Variants in GRID2 observed in about 807,000 individuals in gnomAD.
GRID2 encodes glutamate receptor ionotropic, delta-2.
A neutral mutation model predicts 114.8 loss-of-function variants in GRID2; 33 were observed. That is an observed-to-expected ratio of 0.29 (90% CI 0.22 to 0.38). GRID2 has a LOEUF of 0.38. GRID2 is among the 10% of genes least tolerant of loss of function. GRID2 has a pLI of 1.00. For missense variants in GRID2, 1,184 were observed against 1,257.7 expected (o/e 0.94, Z 0.89); for synonymous variants, 505 against 449.9 (o/e 1.12, Z -1.55).
chr4:92,605,937 G>T (rs562690096), intron 2 of GRID2, among the ~76,000 whole-genome samples: 2 of 151,980 alleles, frequency 1.3e-5, no homozygotes, highest in Admixed American at 6.6e-5. Context: ...CTTTTTTACT[G>T]GACCCTTTTT....
At chr4:92,731,800 G>C (rs1736340821) in intron 2 of GRID2, among the ~76,000 whole-genome samples, 1 of 151,752 alleles carries the variant, frequency 6.6e-6, no homozygotes, top group African/African-American at 2.4e-5. Context: ...TTCCCAATAA[G>C]GCAATCATTT....
At chr4:93,216,322 A>G (rs773074903) in intron 5 of GRID2, among the ~76,000 whole-genome samples, 13 of 151,938 alleles carry the variant, frequency 8.6e-5, no homozygotes, top group Non-Finnish European at 1.5e-4. Flanking sequence ...GTGCGTGTGT[A>G]TAACTCTTAC....
chr4:92,367,441 T>G (rs1728922816), intron 1 of GRID2, among the ~76,000 whole-genome samples: 1 of 151,968 alleles, frequency 6.6e-6, no homozygotes, highest in Non-Finnish European at 1.5e-5. Flanking sequence ...ATATTTCAGC[T>G]GAGAGTTTTA....
chr4:93,174,909 T>C (rs989766688), intron 4 of GRID2, among the ~76,000 whole-genome samples: 1 of 152,198 alleles, frequency 6.6e-6, no homozygotes, highest in Non-Finnish European at 1.5e-5. Context: ...GGGGCTGTTA[T>C]GAATGAAATT....
chr4:93,034,460 T>C (rs1227941141), intron 2 of GRID2, among the ~76,000 whole-genome samples: 2 of 152,164 alleles, frequency 1.3e-5, no homozygotes, highest in Admixed American at 1.3e-4. Context: ...TCCAATCACC[T>C]TGCACAATAC....
intron 8 of GRID2, among the ~76,000 whole-genome samples, chr4:93,257,283 G>T (rs546111892): frequency 6.6e-6 from 1 of 151,784 alleles, no homozygotes; most frequent in Non-Finnish European, 1.5e-5. Context: ...CTGTAGCTTG[G>T]TTATAGCAAT....
At chr4:93,450,698 A>T (rs1357227500) in intron 10 of GRID2, among the ~76,000 whole-genome samples, 2 of 151,806 alleles carry the variant, frequency 1.3e-5, no homozygotes, top group Admixed American at 6.6e-5. Flanking sequence ...GGAAAATATT[A>T]TGACTATATA....
At chr4:92,941,702 A>G (rs1302287676) in intron 2 of GRID2, among the ~76,000 whole-genome samples, 6 of 152,106 alleles carry the variant, frequency 3.9e-5, no homozygotes, top group South Asian at 4.1e-4. Context: ...TCTTGTGGGC[A>G]TTGAGTGCTG....
At chr4:93,497,136 T>C (rs926196377) in intron 12 of GRID2, among the ~76,000 whole-genome samples, 1 of 151,748 alleles carries the variant, frequency 6.6e-6, no homozygotes, top group Non-Finnish European at 1.5e-5. Context: ...TGTAGTGGTA[T>C]TGAACATCTG....
chr4:93,669,012 T>C lies in GRID2; in HGVS notation c.2360+42577T>C, dbSNP rs572985514. On this transcript the variant is annotated intron_variant, in intron 14 of 15. Transcript: ENST00000282020. The stretch of plus-strand genomic sequence containing the variant: ...GTTTTATAGTAGGTACAAAATAGTT[T>C]GGCATGCTTAGTAAGTGATATCTCA... 2.1e-3 allele frequency among the ~76,000 whole-genome samples: 319 copies of C among 152,186 alleles called. 1 individual carries two copies. Among genetic ancestry groups the C allele is most frequent in the African/African-American group, 6.7e-3 (279 of 41,556 alleles).
In GRID2 at chr4:92,569,486, C is replaced by T. The variant is rs537941273; in HGVS notation, c.89-20645C>T. On this transcript the variant is annotated intron_variant, in intron 1 of 15. Transcript: ENST00000282020. ...GATTTATATTCCTTCGGGTATATACCCAGTAGTGAGAGTGTTGGGTTAAAT... is the reference window on the plus strand; with the variant it reads ...GATTTATATTCCTTCGGGTATATACTCAGTAGTGAGAGTGTTGGGTTAAAT... Among the ~76,000 whole-genome samples the T allele has an allele frequency of 2.0e-5, 3 of 151,936 alleles. No individual in the cohort carries two copies. The East Asian group carries it at 5.8e-4, about 29-fold the overall frequency.
At chr4:93,407,714 CCTCCTCCTT>C (rs1273970079) in intron 9 of GRID2, among the ~76,000 whole-genome samples, 21,186 of 129,820 alleles carry the variant, frequency 0.16, 3,483 homozygotes, top group African/African-American at 0.36. Context: ...TCCTCCTCCT[CCTCCTCCTT>C]CTCCTCCTCC....
At chr4:93,656,552 C>T (rs1483263146) in intron 14 of GRID2, among the ~76,000 whole-genome samples, 1 of 151,838 alleles carries the variant, frequency 6.6e-6, no homozygotes, top group African/African-American at 2.4e-5. Context: ...ACAAATAGGC[C>T]GAGCGCGGTG....
At chr4:92,305,982 T>A (rs1725382506) in intron 1 of GRID2, among the ~76,000 whole-genome samples, 1 of 152,138 alleles carries the variant, frequency 6.6e-6, no homozygotes, top group African/African-American at 2.4e-5. Flanking sequence ...GGGTCACAGC[T>A]TCTCCCCTTT....
intron 14 of GRID2, among the ~76,000 whole-genome samples, chr4:93,743,079 G>T (rs181669979): frequency 6.7e-4 from 102 of 152,256 alleles, no homozygotes; most frequent in African/African-American, 2.1e-3. Context: ...ATAAGAAAGT[G>T]AAACAGCCTT....
intron 8 of GRID2, among the ~76,000 whole-genome samples, chr4:93,245,229 A>G (rs1265642875): frequency 3.9e-5 from 6 of 152,136 alleles, no homozygotes; most frequent in Admixed American, 3.3e-4. Flanking sequence ...TATTTAATGA[A>G]TGAACTAATG....
chr4:93,593,966 T>G (rs1424038294), intron 13 of GRID2, among the ~76,000 whole-genome samples: 1 of 151,654 alleles, frequency 6.6e-6, no homozygotes. Flanking sequence ...CTAAATTTTT[T>G]TCAAAGTTTT....
chr4:92,936,135 G>C (rs1008119087), intron 2 of GRID2, among the ~76,000 whole-genome samples: 1 of 146,326 alleles, frequency 6.8e-6, no homozygotes, highest in Non-Finnish European at 1.5e-5. Context: ...AAATTATAAA[G>C]TATATTTTGT....
intron 1 of GRID2, among the ~76,000 whole-genome samples, chr4:92,581,251 G>GTATT (rs1483600576): frequency 6.8e-6 from 1 of 146,678 alleles, no homozygotes; most frequent in African/African-American, 2.5e-5. Context: ...AAATTGCAAA[G>GTATT]TATTCCTATT....
Sources: allele counts gnomAD v4.1 joint callset (sites outside exome capture counted in the v4.1 genomes callset), GRCh38; gene constraint gnomAD v4.1.1; transcripts MANE v1.5; gene names NCBI Gene and HGNC (gene_info 2026-07-23, HGNC 2026-07-21).